The following PINK1 variants were observed in gnomAD, a reference collection of about 807,000 sequenced individuals.
PINK1 encodes PTEN induced kinase 1.
Under a neutral mutation model 56.0 loss-of-function variants are expected in PINK1, and 58 were observed. The ratio of observed to expected loss-of-function variants is 1.04; its 90% CI spans 0.84 to 1.29. The LOEUF is 1.29. PINK1 is among the 50% of genes most tolerant of loss of function. The pLI is 0.00. For synonymous variants in PINK1, 354 were observed against 339.3 expected, an observed-to-expected ratio of 1.04 and a Z score of -0.48; for missense variants, 745 against 777.9, an observed-to-expected ratio of 0.96 and a Z score of 0.50.
Position 20,637,992 on chromosome 1 carries a change from C to T in PINK1, c.538C>T (p.Gln180Ter). ...TGAAGCCACCATGCCTACATTGCCC[C>T]AGAACCTGGAGGTGACAAAGAGCAC... ...VYEATMPTLPQNLEVTKSTGL... is the reference protein window; with the variant it reads ...VYEATMPTLP Residue 180 changes from glutamine to a stop codon, truncating the protein, a stop_gained, in exon 2 of 8, where the codon CAG becomes TAG. Coordinates refer to ENST00000321556, the MANE Select transcript of PINK1 (RefSeq NM_032409.3). LOFTEE classifies it high-confidence loss of function. 6.2e-7 allele frequency: 1 copy of T among 1,614,196 alleles called. No individual in the cohort carries two copies. The highest frequency in any genetic ancestry group is 1.1e-5 in the South Asian group (1 of 91,084).
intron 2 of PINK1, chr1:20,639,449 G>A (rs3121680): frequency 0.55 from 140,304 of 253,278 alleles, 39,735 homozygotes; most frequent in Middle Eastern, 0.67. Context: ...TTGTCGTGGG[G>A]GATGGAGGAA....
At chr1:20,642,572 T>C (rs1003343682) in intron 3 of PINK1, 3 of 152,250 alleles carry the variant, frequency 2.0e-5, no homozygotes, top group Admixed American at 6.5e-5. Flanking sequence ...CAAGCTGCAA[T>C]TGGCCTTATT....
intron 7 of PINK1, 189 bp from the exon 8 acceptor site, chr1:20,650,245 T>A (rs1052028788): frequency 5.5e-6 from 4 of 723,740 alleles, no homozygotes; most frequent in African/African-American, 1.7e-5. Context: ...GGTGTACACA[T>A]GGAAAAGCTT....
intron 3 of PINK1, among the ~76,000 whole-genome samples, chr1:20,642,501 G>A (rs1212530405): frequency 6.6e-6 from 1 of 152,178 alleles, no homozygotes; most frequent in African/African-American, 2.4e-5. Context: ...AGATTTGGGA[G>A]GAGTGAGTAT....
chr1:20,633,515 G>T lies in PINK1; in HGVS notation c.-34G>T. ...GGGGGACGCCGGTGGTGGCGGCAGC[G>T]GCGGCTGCGGGGGCACCGGGCCGCG... On this transcript the variant is annotated 5_prime_UTR_variant, in exon 1 of 8. Transcript: ENST00000321556. The T allele has an allele frequency of 8.9e-7, 1 of 1,126,120 alleles. No individual in the cohort carries two copies. The highest frequency in any genetic ancestry group is 4.3e-5 in the South Asian group (1 of 23,252). 69.8% of individuals were successfully genotyped at this position (1,126,120 alleles called of 1,614,324 possible).
intron 1 of PINK1, among the ~76,000 whole-genome samples, chr1:20,636,777 G>A (rs1173739826): frequency 6.6e-6 from 1 of 152,214 alleles, no homozygotes; most frequent in Admixed American, 6.5e-5. Context: ...AGAGGAAGGA[G>A]GAGCTTGAGT....
At chr1:20,644,868 A>G (rs865957749) in intron 4 of PINK1, among the ~76,000 whole-genome samples, 196 bp downstream of exon 4, 20 of 152,246 alleles carry the variant, frequency 1.3e-4, no homozygotes, top group African/African-American at 4.8e-4. Flanking sequence ...CATGGAAACA[A>G]ACTCTCATCT....
intron 6 of PINK1, 180 bp from the exon 7 acceptor site, chr1:20,648,815 A>T: frequency 7.8e-7 from 1 of 1,286,556 alleles, no homozygotes; most frequent in Non-Finnish European, 1.1e-6. Context: ...GGAGAATGCA[A>T]GTCCTGTCAC....
rs1371278789 is a variant in PINK1, at chr1:20,650,992, A to AGAG, written c.*302_*304dup. ...GGCCAAGGCACTGGCTGTCAGTGGCAGAGTTTGGCTGTGACCTTTGCCCCT... is the reference window on the plus strand; with the variant it reads ...GGCCAAGGCACTGGCTGTCAGTGGCAGAGGAGTTTGGCTGTGACCTTTGCCCCT... On this transcript the variant is annotated 3_prime_UTR_variant, in exon 8 of 8. Coordinates refer to ENST00000321556, the MANE Select transcript of PINK1 (RefSeq NM_032409.3). 6.6e-6 allele frequency: 3 copies of AGAG among 454,552 alleles called. No homozygotes were observed. Among genetic ancestry groups the AGAG allele is most frequent in the African/African-American group, 5.9e-5 (3 of 50,514 alleles). 28.2% of individuals were successfully genotyped at this position (454,552 alleles called of 1,614,324 possible).
chr1:20,642,187 G>T (rs1221769935), intron 3 of PINK1, among the ~76,000 whole-genome samples: 1 of 152,202 alleles, frequency 6.6e-6, no homozygotes, highest in Non-Finnish European at 1.5e-5. Flanking sequence ...TCTAGGCTCT[G>T]CCCCATTCGC....
intron 7 of PINK1, 124 bp downstream of exon 7, chr1:20,649,355 T>C (rs1045093406): frequency 1.8e-5 from 19 of 1,030,904 alleles, no homozygotes; most frequent in Non-Finnish European, 2.5e-5. Flanking sequence ...AGGTAAAGGC[T>C]AGTTACAAGA....
intron 5 of PINK1, 126 bp downstream of exon 5, chr1:20,645,849 A>G (rs1192730032): frequency 8.1e-7 from 1 of 1,239,542 alleles, no homozygotes; most frequent in Non-Finnish European, 1.1e-6. Context: ...TTAGCTCCGC[A>G]CACAAGAGGT....
rs1361645932 is a variant in PINK1, at chr1:20,645,399, G to A, written c.960-161G>A. ...AGCTACTCGGGAGGCTGAGGTAGGA[G>A]AATTGCTTGAACCTGGAAGGTGGAG... On this transcript the variant is annotated intron_variant, in intron 4 of 7. Coordinates refer to ENST00000321556, the MANE Select transcript of PINK1 (RefSeq NM_032409.3). 6.2e-6 allele frequency: 5 copies of A among 800,958 alleles called. No individual in the cohort carries two copies. In the African/African-American group the frequency reaches 8.8e-5, roughly 14 times the overall value. The allele number at this position is 800,958 out of a possible 1,614,324, so 49.6% of individuals were successfully genotyped here.
Position 20,648,536 on chromosome 1 carries a change from T to C in PINK1, c.1155T>C (p.Phe385=). The C allele has an allele frequency of 6.2e-7, 1 of 1,614,184 alleles. No individual in the cohort carries two copies. The highest frequency in any genetic ancestry group is 1.1e-5 in the South Asian group (1 of 91,084). The change falls in exon 6 of 8, where the codon TTT becomes TTC. Residue 385 remains phenylalanine, a synonymous_variant. Coordinates refer to ENST00000321556, the MANE Select transcript of PINK1 (RefSeq NM_032409.3). ...GCCCCTGGCTGGTGATCGCAGATTT[T>C]GGCTGCTGCCTGGCTGATGAGAGCA... ...DGCPWLVIAD[F]GCCLADESIG...
intron 5 of PINK1, 111 bp from the exon 6 acceptor site, chr1:20,648,394 C>T: frequency 1.3e-5 from 19 of 1,506,084 alleles, no homozygotes; most frequent in East Asian, 2.4e-5. Context: ...CAACACTGAG[C>T]CATTAGCCCC....
Position 20,644,516 on chromosome 1 carries a change from T to C in PINK1, c.803T>C (p.Leu268Pro). Residue 268 changes from leucine (L) to proline (P), a missense_variant, in exon 4 of 8, where the codon CTA becomes CCA. Coordinates refer to ENST00000321556, the MANE Select transcript of PINK1 (RefSeq NM_032409.3). ...AAATCCAAGAGAGGTCCCAAGCAAC[T>C]AGCCCCTCACCCCAACATCATCCGG... ...YRKSKRGPKQ[L>P]APHPNIIRVL... 6.2e-7 allele frequency: 1 copy of C among 1,614,220 alleles called. No individual in the cohort carries two copies. Among genetic ancestry groups the C allele is most frequent in the African/African-American group, 1.3e-5 (1 of 75,056 alleles).
Position 20,641,198 on chromosome 1 carries a change from C to T in PINK1, c.776+1206C>T, listed in dbSNP as rs974066656. Among the ~76,000 whole-genome samples, 1 of 152,116 alleles carries T rather than the reference C, an allele frequency of 6.6e-6. No individual in the cohort carries two copies. The highest frequency in any genetic ancestry group is 1.9e-4 in the East Asian group (1 of 5,190). ...ACCCCTTCCATGGTTTGGAGGTTTC[C>T]AATGTGACTGGGAGTCCCTGCAGGC... is the stretch of plus-strand genomic sequence containing the variant. On this transcript the variant is annotated intron_variant, in intron 3 of 7. Transcript: ENST00000321556. This position sits in a 1 kb window ranked among gnomAD's most constrained non-coding sequence, Gnocchi z 4.0.
intron 3 of PINK1, among the ~76,000 whole-genome samples, chr1:20,644,044 C>A (rs1168819852): frequency 1.3e-5 from 2 of 152,142 alleles, no homozygotes; most frequent in Non-Finnish European, 2.9e-5. Flanking sequence ...CTCTCTCTCT[C>A]TCCTCTCTCT....
Position 20,650,472 on chromosome 1 carries a change from A to C in PINK1, c.1527A>C (p.Leu509=). Reference sequence around the variant, plus strand: ...GAGTAGCCGCAAATGTGCTTCATCTAAGCCTCTGGGGTGAACATATTCTAG... The same window carrying C: ...GAGTAGCCGCAAATGTGCTTCATCTCAGCCTCTGGGGTGAACATATTCTAG... ...SARVAANVLH[L]SLWGEHILAL... Residue 509 remains leucine, a synonymous_variant, in exon 8 of 8, where the codon CTA becomes CTC. Coordinates refer to ENST00000321556, the MANE Select transcript of PINK1 (RefSeq NM_032409.3). The C allele has an allele frequency of 6.2e-7, 1 of 1,614,106 alleles. No homozygotes were observed. Among genetic ancestry groups the C allele is most frequent in the South Asian group, 1.1e-5 (1 of 91,080 alleles).
Sources: allele counts gnomAD v4.1 joint callset (sites outside exome capture counted in the v4.1 genomes callset), GRCh38; gene constraint gnomAD v4.1.1; non-coding constraint Gnocchi (gnomAD v3.1); transcripts MANE v1.5; gene names NCBI Gene and HGNC (gene_info 2026-07-23, HGNC 2026-07-21).